RASGRF1: variants seen among roughly 807,000 people sequenced by gnomAD.
RASGRF1 encodes the protein ras-specific guanine nucleotide-releasing factor 1.
A neutral mutation model predicts 138.7 loss-of-function variants in RASGRF1; 40 were observed. That is an observed-to-expected ratio of 0.29 (90% CI 0.22 to 0.38). The LOEUF (loss-of-function observed/expected upper bound fraction) is 0.38, where lower values mean the gene tolerates loss of function less well. RASGRF1 is among the 10% of genes least tolerant of loss of function. The probability of loss-of-function intolerance (pLI) is 1.00; values close to 1 mark genes in which losing one functional copy is unlikely to be tolerated. For synonymous variants in RASGRF1, 614 were observed against 663.2 expected (o/e 0.93, Z 1.14); for missense variants, 1,108 against 1,650.4 (o/e 0.67, Z 5.69).
intron 3 of RASGRF1, among the ~76,000 whole-genome samples, chr15:79,058,012 T>C (rs2057533466): frequency 2.0e-5 from 3 of 152,236 alleles, no homozygotes; most frequent in Admixed American, 6.5e-5. Context: ...AGCTTGCCCG[T>C]AGATAATCTC....
At chr15:78,987,878 C>A (rs1019807391) in intron 22 of RASGRF1, among the ~76,000 whole-genome samples, 3 of 152,104 alleles carry the variant, frequency 2.0e-5, no homozygotes, top group African/African-American at 7.2e-5. Context: ...TCTCTGGGAA[C>A]CTTGCTTGCC....
In RASGRF1 at chr15:79,006,157, G is replaced by T. The variant is rs776151350; in HGVS notation, c.2075+29C>A. On this transcript the variant is annotated intron_variant, in intron 14 of 26. Coordinates refer to ENST00000558480, the MANE Select transcript of RASGRF1 (RefSeq NM_001145648.3). This position sits in a 1 kb window ranked among gnomAD's most constrained non-coding sequence, Gnocchi z 4.0. ...CCTCCAAGGCTTGGAAGCTCTCCGG[G>T]CATGGGAGGAGGAGGGCACCTCAGC... 1.2e-6 allele frequency: 2 copies of T among 1,613,274 alleles called. No homozygotes were observed. Among genetic ancestry groups the T allele is most frequent in the East Asian group, 2.2e-5 (1 of 44,866 alleles).
intron 10 of RASGRF1, among the ~76,000 whole-genome samples, chr15:79,022,168 G>A (rs1346487181): frequency 1.3e-5 from 2 of 152,136 alleles, no homozygotes; most frequent in African/African-American, 2.4e-5. Context: ...AGCTGGGTGC[G>A]GTGGCTCACG....
At chr15:78,978,215 C>CTTTTCTTTTCTTTTTTTTTTTTTTTTT (rs2055915117) in intron 24 of RASGRF1, among the ~76,000 whole-genome samples, 2 of 79,340 alleles carry the variant, frequency 2.5e-5, no homozygotes, top group Non-Finnish European at 4.9e-5. Context: ...TTTTTCTTTT[C>CTTTTCTTTTCTTTTTTTTTTTTTTTTT]TTTTGTTTTT....
At chr15:79,001,388 GC>G (rs1567489461) in intron 16 of RASGRF1, among the ~76,000 whole-genome samples, 1 of 151,430 alleles carries the variant, frequency 6.6e-6, no homozygotes, top group Non-Finnish European at 1.5e-5. Context: ...TGCTGGGTGG[GC>G]TCAAGGCAGT....
chr15:78,968,250 A>ATGTATGTGTGTGTG (rs1555449274), intron 26 of RASGRF1, among the ~76,000 whole-genome samples: 2 of 134,226 alleles, frequency 1.5e-5, no homozygotes, highest in Non-Finnish European at 3.3e-5. Flanking sequence ...CATGACACTG[A>ATGTATGTGTGTGTG]TGTGTGTGTG....
chr15:78,973,581 A>G lies in RASGRF1; in HGVS notation c.3495-161T>C, dbSNP rs1482475864. Among the ~76,000 whole-genome samples, 1 of 152,144 alleles carries G rather than the reference A, an allele frequency of 6.6e-6. No homozygotes were observed. Among genetic ancestry groups the G allele is most frequent in the Non-Finnish European group, 1.5e-5 (1 of 68,012 alleles). ...CTAGAACTGACTATTCTACACGCCC[A>G]GGACTGTCGGCTGGGTCTCAGGGCC... is the stretch of plus-strand genomic sequence containing the variant. On this transcript the variant is annotated intron_variant, in intron 24 of 26. Transcript: ENST00000558480. The surrounding 1 kb of genome is among the most constrained non-coding windows in gnomAD (Gnocchi z 4.9).
At chr15:79,038,619 C>A (rs1412620767) in intron 5 of RASGRF1, among the ~76,000 whole-genome samples, 1 of 151,780 alleles carries the variant, frequency 6.6e-6, no homozygotes, top group African/African-American at 2.4e-5. Context: ...TCTTATTAAT[C>A]TTCTCTCTTA....
chr15:78,998,413 A>T, intron 18 of RASGRF1: 1 of 622,610 alleles, frequency 1.6e-6, no homozygotes, highest in East Asian at 2.7e-5. Context: ...CTGGAACCAG[A>T]TCAAAGCCCA....
chr15:79,024,255 C>G (rs1463514230), intron 10 of RASGRF1, among the ~76,000 whole-genome samples: 1 of 151,850 alleles, frequency 6.6e-6, no homozygotes, highest in Non-Finnish European at 1.5e-5. Flanking sequence ...ATCCACCACA[C>G]CTGTACACAG....
Position 78,995,799 on chromosome 15 carries a change from T to C in RASGRF1, c.2968A>G (p.Thr990Ala). 6.2e-7 allele frequency: 1 copy of C among 1,614,006 alleles called. No individual in the cohort carries two copies. Among genetic ancestry groups the C allele is most frequent in the African/African-American group, 1.3e-5 (1 of 74,976 alleles). Residue 990 changes from threonine to alanine, a missense_variant and splice_region_variant, in exon 20 of 27, where the codon ACT becomes GCT. Thr to Ala is a moderately conservative substitution (Grantham distance 58). This residue lies in a region of RASGRF1 where 686 missense variants were observed against 976.7 expected (regional missense o/e 0.70). Coordinates refer to ENST00000558480, the MANE Select transcript of RASGRF1 (RefSeq NM_001145648.3). ...TCACCTGGGTCCTCCTGGGTCAGAGTCCTAGGCAGGAGCGAGAAGGCACGG... is the reference window on the plus strand; with the variant it reads ...TCACCTGGGTCCTCCTGGGTCAGAGCCCTAGGCAGGAGCGAGAAGGCACGG... ...ERKAAANIIR[T>A]LTQEDPGDNQ...
At chr15:79,035,389 A>G (rs1368659747) in intron 5 of RASGRF1, among the ~76,000 whole-genome samples, 179 bp from the exon 6 acceptor site, 1 of 152,224 alleles carries the variant, frequency 6.6e-6, no homozygotes, top group African/African-American at 2.4e-5. Context: ...GTGGTGCTAA[A>G]TGAGAATGCA....
chr15:79,081,802 AG>A (rs1359377964), intron 1 of RASGRF1, among the ~76,000 whole-genome samples: 1 of 152,144 alleles, frequency 6.6e-6, no homozygotes, highest in Non-Finnish European at 1.5e-5. Context: ...GGCCCCTCAG[AG>A]GTACTGGTAA....
chr15:78,999,595 G>T (rs12900315), intron 17 of RASGRF1, 148 bp downstream of exon 17: 435,909 of 840,150 alleles, frequency 0.52, 119,791 homozygotes, highest in East Asian at 0.69. Flanking sequence ...CTCCCCGAGG[G>T]TGGGTGCTTT....
chr15:79,020,360 C>T (rs1020919890), intron 10 of RASGRF1, among the ~76,000 whole-genome samples: 9 of 152,264 alleles, frequency 5.9e-5, no homozygotes, highest in African/African-American at 2.2e-4. Context: ...AGGTTGAGTT[C>T]TGGCCATGGG....
At chr15:78,975,783 G>C (rs1453554236) in intron 24 of RASGRF1, among the ~76,000 whole-genome samples, 1 of 152,180 alleles carries the variant, frequency 6.6e-6, no homozygotes, top group African/African-American at 2.4e-5. Context: ...GCTTCCCAAA[G>C]TGCTCAGATT....
At chr15:79,089,160 G>T (rs2058019501) in intron 1 of RASGRF1, among the ~76,000 whole-genome samples, 1 of 152,198 alleles carries the variant, frequency 6.6e-6, no homozygotes, top group Non-Finnish European at 1.5e-5. Flanking sequence ...CTTGCATGAC[G>T]CTGGGCAAGT....
chr15:79,046,695 C>G lies in RASGRF1; in HGVS notation c.878+51G>C, dbSNP rs1212540183. On this transcript the variant is annotated intron_variant, in intron 5 of 26. Coordinates refer to ENST00000558480, the MANE Select transcript of RASGRF1 (RefSeq NM_001145648.3). The surrounding 1 kb of genome is among the most constrained non-coding windows in gnomAD (Gnocchi z 5.3). ...GAGTGTGTCAAAGCTTAGCTGCGGC[C>G]AATGCTCACTAGTCTCCTTCCTGCC... 1 of 1,602,794 alleles carries G rather than the reference C, an allele frequency of 6.2e-7. No individual in the cohort carries two copies. The highest frequency in any genetic ancestry group is 8.5e-7 in the Non-Finnish European group (1 of 1,171,224).
chr15:79,065,637 AGCCTGG>A (rs998662258), intron 1 of RASGRF1, among the ~76,000 whole-genome samples: 5 of 151,964 alleles, frequency 3.3e-5, no homozygotes, highest in Non-Finnish European at 5.9e-5. Flanking sequence ...CTGGGGGCCC[AGCCTGG>A]GCCTGGGCCT....
Sources: gnomAD v4.1 joint callset for allele counts (sites outside exome capture counted in the v4.1 genomes callset) on GRCh38, gnomAD v4.1.1 for gene constraint, gnomAD v4.1.1 regional missense constraint, Gnocchi (gnomAD v3.1) non-coding constraint, MANE v1.5 for transcripts, NCBI Gene and HGNC (gene_info 2026-07-23, HGNC 2026-07-21) for gene names.